The following PCDHGB4 variants were observed in gnomAD, a reference collection of about 807,000 sequenced individuals.
PCDHGB4 encodes the protein protocadherin gamma-B4.
PCDHGB4 carries 38 observed loss-of-function variants against 60.5 expected under a neutral mutation model. The ratio of observed to expected loss-of-function variants is 0.63; its 90% CI spans 0.48 to 0.82. PCDHGB4 has a LOEUF of 0.82. Among genes scored for constraint, PCDHGB4 ranks in the 40% least tolerant of loss-of-function variants. The pLI, the probability that PCDHGB4 is intolerant of heterozygous loss-of-function variation, is 0.00. For missense variants in PCDHGB4, 1,109 were observed against 1,209.6 expected (o/e 0.92, Z 1.23); for synonymous variants, 456 against 509.7 (o/e 0.89, Z 1.42).
rs1226194073 is a variant in PCDHGB4, at chr5:141,490,496, A to G, written c.2398-4311A>G. The G allele has an allele frequency of 6.2e-7, 1 of 1,614,096 alleles. No individual in the cohort carries two copies. Among genetic ancestry groups the G allele is most frequent in the East Asian group, 2.2e-5 (1 of 44,894 alleles). On this transcript the variant is annotated intron_variant, in intron 1 of 3. Coordinates refer to ENST00000519479, the MANE Select transcript of PCDHGB4 (RefSeq NM_003736.4). The surrounding 1 kb of genome is among the most constrained non-coding windows in gnomAD (Gnocchi z 5.4). ...CCTTTGGACCGGGAGGCCACATCCCACTATATCATCGAGCTGCTGGCCAGC... is the reference window on the plus strand; with the variant it reads ...CCTTTGGACCGGGAGGCCACATCCCGCTATATCATCGAGCTGCTGGCCAGC...
chr5:141,486,148 G>A lies in PCDHGB4; in HGVS notation c.2398-8659G>A. On this transcript the variant is annotated intron_variant, in intron 1 of 3. Coordinates refer to ENST00000519479, the MANE Select transcript of PCDHGB4 (RefSeq NM_003736.4). This position sits in a 1 kb window ranked among gnomAD's most constrained non-coding sequence, Gnocchi z 5.0. ...AATTTGATGTGCGGGCTCGCGATGG[G>A]GGTTCTCCAGCCATGGAGCAACATT... 2 of 1,614,164 alleles carry A rather than the reference G, an allele frequency of 1.2e-6. No homozygotes were observed. The highest frequency in any genetic ancestry group is 1.7e-6 in the Non-Finnish European group (2 of 1,180,026).
chr5:141,403,181 C>G (rs1182793881), intron 1 of PCDHGB4: 2 of 1,614,006 alleles, frequency 1.2e-6, no homozygotes, highest in Non-Finnish European at 1.7e-6. Context: ...GCTTTTCTCT[C>G]TGAACCCGCG....
At position 141,485,222 on chromosome 5, in the gene PCDHGB4, C is replaced by T; in HGVS notation, c.2398-9585C>T. On this transcript the variant is annotated intron_variant, in intron 1 of 3. Transcript: ENST00000519479. The surrounding 1 kb of genome is among the most constrained non-coding windows in gnomAD (Gnocchi z 5.7). The stretch of plus-strand genomic sequence containing the variant: ...GACAGAAATCTGGCGGTGGGCTACC[C>T]TTTTGTTCCTCTTTTACCACCTGGG... 4 of 1,614,196 alleles carry T rather than the reference C, an allele frequency of 2.5e-6. No homozygotes were observed. Among genetic ancestry groups the T allele is most frequent in the Non-Finnish European group, 2.5e-6 (3 of 1,180,020 alleles).
At chr5:141,419,617 C>G (rs780077182) in intron 1 of PCDHGB4, 1 of 1,612,280 alleles carries the variant, frequency 6.2e-7, no homozygotes. Flanking sequence ...AGCCAGGCTA[C>G]CTGGTGACCA....
intron 1 of PCDHGB4, chr5:141,413,675 G>C (rs773300658): frequency 6.2e-7 from 1 of 1,613,826 alleles, no homozygotes; most frequent in Non-Finnish European, 8.5e-7. Context: ...CCGGATGTGG[G>C]CGTGAACTCC....
At chr5:141,398,314 A>C in intron 1 of PCDHGB4, 1 of 1,348,682 alleles carries the variant, frequency 7.4e-7, no homozygotes, top group Non-Finnish European at 1.0e-6. Context: ...GGAGTTACCG[A>C]CTCGAAAACT....
At chr5:141,470,734 G>A (rs970003510) in intron 1 of PCDHGB4, among the ~76,000 whole-genome samples, 1 of 152,128 alleles carries the variant, frequency 6.6e-6, no homozygotes, top group Non-Finnish European at 1.5e-5. Context: ...GTCTTGCTCT[G>A]TCGCCCTGGC....
At chr5:141,465,792 T>A (rs1262092940) in intron 1 of PCDHGB4, among the ~76,000 whole-genome samples, 2 of 152,018 alleles carry the variant, frequency 1.3e-5, no homozygotes, top group Non-Finnish European at 2.9e-5. Flanking sequence ...TTTTTTTTTT[T>A]AAGAAACCCT....
intron 1 of PCDHGB4, among the ~76,000 whole-genome samples, chr5:141,451,435 G>T (rs947210577): frequency 6.6e-6 from 1 of 152,234 alleles, no homozygotes; most frequent in Non-Finnish European, 1.5e-5. Flanking sequence ...AAGGGTTCCA[G>T]TTCCTTGCTG....
intron 1 of PCDHGB4, among the ~76,000 whole-genome samples, chr5:141,447,863 A>G (rs553375129): frequency 6.6e-6 from 1 of 152,254 alleles, no homozygotes; most frequent in East Asian, 1.9e-4. Flanking sequence ...AGGTGGGTGA[A>G]TCATCTGAGG....
chr5:141,394,066 A>T (rs1589216611), intron 1 of PCDHGB4: 1 of 1,613,738 alleles, frequency 6.2e-7, no homozygotes, highest in Admixed American at 1.7e-5. Context: ...GTCTCTATCT[A>T]CAATATCACA....
rs527514615 is a variant in PCDHGB4 at position 141,485,941 on chromosome 5, A to G, written c.2398-8866A>G. ...GGATTAGTGTGTTGGAGAGCGCACC[A>G]GCGGGCATGGTGCTCATCCAGCTCA... is the stretch of plus-strand genomic sequence containing the variant. On this transcript the variant is annotated intron_variant, in intron 1 of 3. Coordinates refer to ENST00000519479, the MANE Select transcript of PCDHGB4 (RefSeq NM_003736.4). This position sits in a 1 kb window ranked among gnomAD's most constrained non-coding sequence, Gnocchi z 5.7. The G allele has an allele frequency of 2.5e-6, 4 of 1,614,180 alleles. No homozygotes were observed. The highest frequency in any genetic ancestry group is 2.7e-5 in the African/African-American group (2 of 75,032).
Position 141,511,565 on chromosome 5 carries a change from AG to A in PCDHGB4, c.*393del, listed in dbSNP as rs2099883852. 6.8e-6 allele frequency: 2 copies of A among 296,092 alleles called. No homozygotes were observed. Among genetic ancestry groups the A allele is most frequent in the South Asian group, 7.4e-5 (2 of 26,988 alleles). The allele number at this position is 296,092 out of a possible 1,614,324, so 18.3% of individuals were successfully genotyped here. On this transcript the variant is annotated 3_prime_UTR_variant, in exon 4 of 4. Transcript: ENST00000519479. ...CCACTCCAACAGTTCCTCTTTCCCG[AG>A]TAAGGTGGTTGGGGTGTTGAAGTAC...
intron 1 of PCDHGB4, chr5:141,422,697 C>T (rs1406213402): frequency 3.7e-6 from 6 of 1,603,284 alleles, no homozygotes; most frequent in South Asian, 1.1e-5. Flanking sequence ...TGGTCACTTA[C>T]TCTCTGACGG....
chr5:141,512,917 T>C lies in PCDHGB4; in HGVS notation c.*1744T>C, dbSNP rs543880225. On this transcript the variant is annotated 3_prime_UTR_variant, in exon 4 of 4. Transcript: ENST00000519479. ...TGTGTCTCACGCAAGTTTTATACTCTAATATTTATATGGCTTTTTTTCTTC... is the reference window on the plus strand; with the variant it reads ...TGTGTCTCACGCAAGTTTTATACTCCAATATTTATATGGCTTTTTTTCTTC... The C allele has an allele frequency of 1.3e-5, 2 of 152,378 alleles. No individual in the cohort carries two copies. Among genetic ancestry groups the C allele is most frequent in the African/African-American group, 2.4e-5 (1 of 41,588 alleles). The allele number at this position is 152,378 out of a possible 1,614,324, so 9.4% of individuals were successfully genotyped here.
intron 1 of PCDHGB4, chr5:141,408,972 CT>C (rs1404896464): frequency 6.2e-7 from 1 of 1,613,870 alleles, no homozygotes; most frequent in Middle Eastern, 1.6e-4. Flanking sequence ...AATCTGCCCC[CT>C]GGGTCCCCTG....
At chr5:141,398,496 C>G (rs1435117425) in intron 1 of PCDHGB4, 2 of 1,608,668 alleles carry the variant, frequency 1.2e-6, no homozygotes, top group Admixed American at 1.7e-5. Context: ...ATGTGGAGAT[C>G]GAGGACATTA....
chr5:141,387,735 T>C lies in PCDHGB4; in HGVS notation c.-150T>C, dbSNP rs966437790. The C allele has an allele frequency of 1.2e-5, 16 of 1,308,452 alleles. No individual in the cohort carries two copies. In the East Asian group the frequency reaches 1.3e-4, roughly 10 times the overall value. 81.1% of individuals were successfully genotyped at this position (1,308,452 alleles called of 1,614,324 possible). ...GCTCAGACTCCCCAGCGCCAGCCTTTACACCGCTTCCTCCTCGGAAAAAGA... is the reference window on the plus strand; with the variant it reads ...GCTCAGACTCCCCAGCGCCAGCCTTCACACCGCTTCCTCCTCGGAAAAAGA... On this transcript the variant is annotated 5_prime_UTR_variant, in exon 1 of 4. Transcript: ENST00000519479.
At chr5:141,390,462 A>C in intron 1 of PCDHGB4, 181 bp downstream of exon 1, 1 of 732,308 alleles carries the variant, frequency 1.4e-6, no homozygotes, top group South Asian at 2.0e-5. Context: ...AAGTAGGAGC[A>C]ATTGTGTGGC....
Sources: allele counts gnomAD v4.1 joint callset (sites outside exome capture counted in the v4.1 genomes callset), GRCh38; gene constraint gnomAD v4.1.1; non-coding constraint Gnocchi (gnomAD v3.1); transcripts MANE v1.5; gene names NCBI Gene and HGNC (gene_info 2026-07-23, HGNC 2026-07-21).